The following CTXND1 variants were observed in gnomAD, a reference collection of about 807,000 sequenced individuals.
CTXND1 encodes the protein cortexin domain-containing 1 protein.
chr15:80,214,626 T>C (rs1459076679), intron 1 of CTXND1, among the ~76,000 whole-genome samples: 1 of 152,026 alleles, frequency 6.6e-6, no homozygotes, highest in African/African-American at 2.4e-5. Flanking sequence ...TGGGGTGAGG[T>C]GAGTGACAGC....
At chr15:80,249,734 G>T (rs1434156668) in intron 1 of CTXND1, among the ~76,000 whole-genome samples, 1 of 152,194 alleles carries the variant, frequency 6.6e-6, no homozygotes, top group Non-Finnish European at 1.5e-5. Flanking sequence ...TATTCACAGT[G>T]CTGATCTTGA....
chr15:80,223,348 C>T (rs370847275), intron 1 of CTXND1, among the ~76,000 whole-genome samples: 7 of 152,288 alleles, frequency 4.6e-5, no homozygotes, highest in East Asian at 1.9e-4. Context: ...TGAGCCACCG[C>T]GCCCGGCCGA....
At chr15:80,217,697 C>A (rs907029771) in intron 1 of CTXND1, among the ~76,000 whole-genome samples, 1 of 151,890 alleles carries the variant, frequency 6.6e-6, no homozygotes, top group Admixed American at 6.6e-5. Context: ...CAGGCGCACA[C>A]CACCATACCG....
chr15:80,251,070 T>A (rs1445195618), intron 1 of CTXND1, among the ~76,000 whole-genome samples: 1 of 152,040 alleles, frequency 6.6e-6, no homozygotes, highest in Non-Finnish European at 1.5e-5. Flanking sequence ...GATGCACGAG[T>A]GGGTTAGAAT....
In CTXND1 at chr15:80,201,928, G is replaced by T; in HGVS notation, c.22C>A (p.Pro8Thr). ...CCTTTGTCTACGTCGACATAGACGG[G>T]CTCGGGCGTGGGCTCCTCCATCTCG... Reference protein sequence around the residue: MEEPTPEPVYVDVDKGLT... With the variant: MEEPTPETVYVDVDKGLT... Residue 8 changes from proline to threonine, a missense_variant, in exon 3 of 3, where the codon CCC becomes ACC. By Grantham distance (38) the Pro-to-Thr change is conservative. Coordinates refer to ENST00000560778, the MANE Select transcript of CTXND1 (RefSeq NM_001352888.2). The T allele has an allele frequency of 2.5e-6, 1 of 398,832 alleles. No individual in the cohort carries two copies. Among genetic ancestry groups the T allele is most frequent in the Non-Finnish European group, 4.4e-6 (1 of 226,188 alleles). 24.7% of individuals were successfully genotyped at this position (398,832 alleles called of 1,614,324 possible). A position where few individuals can be genotyped will look rare whatever the true frequency, so the allele number is the denominator to read the frequency against.
At chr15:80,242,794 C>T (rs1448262134) in intron 1 of CTXND1, among the ~76,000 whole-genome samples, 1 of 152,162 alleles carries the variant, frequency 6.6e-6, no homozygotes, top group African/African-American at 2.4e-5. Context: ...GCCAGAGTCC[C>T]CTTTACACTG....
intron 1 of CTXND1, among the ~76,000 whole-genome samples, chr15:80,239,946 T>C (rs79571348): frequency 2.5e-3 from 374 of 152,336 alleles, no homozygotes; most frequent in Non-Finnish European, 4.4e-3. Flanking sequence ...CTTACTTTTG[T>C]TTTCATAATT....
intron 1 of CTXND1, among the ~76,000 whole-genome samples, chr15:80,235,115 C>T (rs1176160922): frequency 2.0e-5 from 3 of 152,122 alleles, no homozygotes; most frequent in African/African-American, 7.2e-5. Flanking sequence ...GTGGGGGAGG[C>T]AAGGAAAGGG....
At chr15:80,230,402 G>A (rs1893415153) in intron 1 of CTXND1, among the ~76,000 whole-genome samples, 1 of 152,106 alleles carries the variant, frequency 6.6e-6, no homozygotes, top group East Asian at 1.9e-4. Flanking sequence ...GAGCCACAAC[G>A]CCTGGCCAGT....
In CTXND1 at chr15:80,195,991, T is replaced by C. The variant is rs2041418291; in HGVS notation, c.*5779A>G. The C allele has an allele frequency of 6.6e-6, 1 of 152,196 alleles. No individual in the cohort carries two copies. The highest frequency in any genetic ancestry group is 2.1e-4 in the South Asian group (1 of 4,824). The allele number at this position is 152,196 out of a possible 1,614,324, so 9.4% of individuals were successfully genotyped here. ...TTGGCAGAGAAAGAGATCACTGCAC[T>C]GTCAGGATGGTTAACCCCAATATCC... On this transcript the variant is annotated 3_prime_UTR_variant, in exon 3 of 3. Transcript: ENST00000560778.
intron 1 of CTXND1, among the ~76,000 whole-genome samples, chr15:80,218,216 G>A (rs1326810600): frequency 6.6e-6 from 1 of 152,076 alleles, no homozygotes; most frequent in Non-Finnish European, 1.5e-5. Context: ...GCTCACTGCA[G>A]CCTGGAACTC....
intron 1 of CTXND1, among the ~76,000 whole-genome samples, chr15:80,227,824 T>C (rs889324749): frequency 1.3e-5 from 2 of 152,176 alleles, no homozygotes; most frequent in African/African-American, 2.4e-5. Flanking sequence ...TTACTGAAGA[T>C]TGGGGTAGCC....
chr15:80,234,634 T>C (rs1046853065), intron 1 of CTXND1, among the ~76,000 whole-genome samples: 1 of 152,142 alleles, frequency 6.6e-6, no homozygotes, highest in African/African-American at 2.4e-5. Flanking sequence ...CATGCCACTG[T>C]GCCTGGCTAA....
At chr15:80,235,574 A>G (rs980840268) in intron 1 of CTXND1, among the ~76,000 whole-genome samples, 2 of 152,150 alleles carry the variant, frequency 1.3e-5, no homozygotes, top group African/African-American at 4.8e-5. Flanking sequence ...AGTCCCAGTT[A>G]CTATTTTCAG....
intron 1 of CTXND1, among the ~76,000 whole-genome samples, chr15:80,231,404 G>T (rs1174504599): frequency 1.5e-5 from 2 of 134,944 alleles, no homozygotes; most frequent in African/African-American, 2.7e-5. Context: ...AAAAAGAAAA[G>T]AAAAAAAAAA....
At chr15:80,244,815 C>T (rs924605680) in intron 1 of CTXND1, among the ~76,000 whole-genome samples, 3 of 152,144 alleles carry the variant, frequency 2.0e-5, no homozygotes, top group South Asian at 2.1e-4. Flanking sequence ...CTAACACCGT[C>T]GGCACCTTAA....
chr15:80,240,751 G>T (rs1018240836), intron 1 of CTXND1, among the ~76,000 whole-genome samples: 3 of 152,200 alleles, frequency 2.0e-5, no homozygotes, highest in African/African-American at 7.2e-5. Context: ...AGTGGCAAAT[G>T]TCACATTCAA....
intron 1 of CTXND1, among the ~76,000 whole-genome samples, chr15:80,234,892 G>A (rs747525419): frequency 3.3e-5 from 5 of 152,204 alleles, no homozygotes; most frequent in Admixed American, 2.0e-4. Flanking sequence ...GAAACCTGCC[G>A]TGTTTTGTTT....
chr15:80,226,219 T>TC (rs34203417), intron 1 of CTXND1, among the ~76,000 whole-genome samples: 4,533 of 152,322 alleles, frequency 0.03, 336 homozygotes, highest in East Asian at 0.28. Flanking sequence ...AGCTGGTGGC[T>TC]CCCTAATGGA....
Sources: allele counts gnomAD v4.1 joint callset (sites outside exome capture counted in the v4.1 genomes callset), GRCh38; gene constraint gnomAD v4.1.1; transcripts MANE v1.5; gene names NCBI Gene and HGNC (gene_info 2026-07-23, HGNC 2026-07-21).